Variants in SIPA1L1 observed in about 807,000 individuals in gnomAD.
The protein encoded by SIPA1L1 is signal induced proliferation associated 1 like 1.
A neutral mutation model predicts 162.7 loss-of-function variants in SIPA1L1; 26 were observed. The ratio of observed to expected loss-of-function variants is 0.16; its 90% CI spans 0.12 to 0.22. The LOEUF is 0.22. Ranked by LOEUF, SIPA1L1 falls within the 10% of genes least tolerant of loss-of-function variation. The pLI, the probability that SIPA1L1 is intolerant of heterozygous loss-of-function variation, is 1.00. For synonymous variants in SIPA1L1, 829 were observed against 837.4 expected, an observed-to-expected ratio of 0.99 and a Z score of 0.17; for missense variants, 1,874 against 2,241.0, an observed-to-expected ratio of 0.84 and a Z score of 3.31.
chr14:71,687,741 C>T (rs765405240), intron 13 of SIPA1L1, among the ~76,000 whole-genome samples: 2 of 152,196 alleles, frequency 1.3e-5, no homozygotes, highest in Non-Finnish European at 2.9e-5. Flanking sequence ...TCTGTGTGTA[C>T]TTGTGTCTGC....
In SIPA1L1 at chr14:71,510,177, CTT is replaced by C. The variant is rs985233367; in HGVS notation, c.-464-2543_-464-2542del. Among the ~76,000 whole-genome samples, 6 of 77,492 alleles carry C rather than the reference CTT, an allele frequency of 7.7e-5. No homozygotes were observed. In the South Asian group the frequency reaches 2.2e-3, roughly 28 times the overall value. 50.8% of individuals were successfully genotyped at this position (77,492 alleles called of 152,430 possible). Reference sequence around the variant, plus strand: ...GCTAGTTCCCCTTAATCCCCCCCACCTTTTTTTTTTTTTTTTTTTTTTTTGTG... The same window carrying C: ...GCTAGTTCCCCTTAATCCCCCCCACCTTTTTTTTTTTTTTTTTTTTTTGTG... On this transcript the variant is annotated intron_variant, in intron 2 of 23. Coordinates refer to ENST00000381232, the MANE Select transcript of SIPA1L1 (RefSeq NM_001386936.1).
rs376421220 is a variant in SIPA1L1, at chr14:71,735,027, G to T, written c.5009-250G>T. Among the ~76,000 whole-genome samples, 29 of 152,320 alleles carry T rather than the reference G, an allele frequency of 1.9e-4. 1 individual carries two copies. The highest frequency in any genetic ancestry group is 7.0e-4 in the African/African-American group (29 of 41,564). ...GAAACATTTCATAGAATGCTACAGT[G>T]ATGAGCAGGGAAGAGGGGGGACTAG... On this transcript the variant is annotated intron_variant, in intron 21 of 23. Coordinates refer to ENST00000381232, the MANE Select transcript of SIPA1L1 (RefSeq NM_001386936.1).
At position 71,383,993 on chromosome 14, in the gene SIPA1L1, C is replaced by T. The variant is rs191981188; in HGVS notation, c.-465+62812C>T. On this transcript the variant is annotated intron_variant, in intron 2 of 23. Transcript: ENST00000381232. ...GGGCTTTTTCAGTCACCCAGGAGGACGGGCCCTTCCATGGGCTCAGGTGGC... is the reference window on the plus strand; with the variant it reads ...GGGCTTTTTCAGTCACCCAGGAGGATGGGCCCTTCCATGGGCTCAGGTGGC... Among the ~76,000 whole-genome samples, 12 of 152,248 alleles carry T rather than the reference C, an allele frequency of 7.9e-5. No individual in the cohort carries two copies. The East Asian group carries it at 1.4e-3, about 17-fold the overall frequency.
intron 2 of SIPA1L1, among the ~76,000 whole-genome samples, chr14:71,398,819 C>T (rs2041431986): frequency 2.0e-5 from 3 of 152,178 alleles, no homozygotes; most frequent in Admixed American, 2.0e-4. Flanking sequence ...GCTGCTTTTA[C>T]ATATCTTTCT....
intron 2 of SIPA1L1, among the ~76,000 whole-genome samples, chr14:71,441,617 A>G (rs1258476190): frequency 6.6e-6 from 1 of 152,204 alleles, no homozygotes; most frequent in South Asian, 2.1e-4. Context: ...ATGGCAGAGT[A>G]TAGTGCTTGG....
At chr14:71,738,959 A>G in intron 23 of SIPA1L1, 59 bp from the exon 24 acceptor site, 1 of 1,568,490 alleles carries the variant, frequency 6.4e-7, no homozygotes, top group South Asian at 1.2e-5. Flanking sequence ...ATTACTCAGA[A>G]GAGCTGGGCA....
chr14:71,358,102 T>C (rs2037447320), intron 2 of SIPA1L1, among the ~76,000 whole-genome samples: 1 of 152,104 alleles, frequency 6.6e-6, no homozygotes, highest in East Asian at 1.9e-4. Context: ...CTCAAAATGA[T>C]CTACCTGCCT....
At chr14:71,570,815 C>A (rs1246424479) in intron 4 of SIPA1L1, among the ~76,000 whole-genome samples, 1 of 152,124 alleles carries the variant, frequency 6.6e-6, no homozygotes, top group Non-Finnish European at 1.5e-5. Flanking sequence ...GAGATGGAGT[C>A]TCGCTCTATC....
chr14:71,678,937 GA>G (rs1388811422), intron 12 of SIPA1L1, among the ~76,000 whole-genome samples: 1 of 152,134 alleles, frequency 6.6e-6, no homozygotes, highest in East Asian at 1.9e-4. Flanking sequence ...GGGACTATGT[GA>G]AAAGACCAAA....
chr14:71,500,788 C>G (rs1176843692), intron 2 of SIPA1L1, among the ~76,000 whole-genome samples: 1 of 152,124 alleles, frequency 6.6e-6, no homozygotes, highest in Non-Finnish European at 1.5e-5. Context: ...GGGCGGGTCA[C>G]CTGAGATCGG....
At chr14:71,518,006 G>A (rs945151407) in intron 3 of SIPA1L1, among the ~76,000 whole-genome samples, 5 of 152,134 alleles carry the variant, frequency 3.3e-5, no homozygotes, top group South Asian at 2.1e-4. Flanking sequence ...GTGGCTGGAC[G>A]GACACAGTGG....
intron 14 of SIPA1L1, 129 bp from the exon 15 acceptor site, chr14:71,702,252 C>A: frequency 1.1e-6 from 1 of 915,384 alleles, no homozygotes; most frequent in Non-Finnish European, 1.7e-6. Flanking sequence ...GGTGTGTATA[C>A]AAGTACAGAC....
At chr14:71,370,971 T>A (rs920892867) in intron 2 of SIPA1L1, among the ~76,000 whole-genome samples, 16 of 152,170 alleles carry the variant, frequency 1.1e-4, no homozygotes, top group African/African-American at 3.1e-4. Context: ...TATACATTAA[T>A]ACTATAATAT....
chr14:71,618,324 T>C (rs888570855), intron 5 of SIPA1L1, among the ~76,000 whole-genome samples: 3 of 152,218 alleles, frequency 2.0e-5, no homozygotes, highest in Non-Finnish European at 2.9e-5. Context: ...AGGGACATCT[T>C]TTTTAATCTG....
intron 3 of SIPA1L1, among the ~76,000 whole-genome samples, chr14:71,526,192 T>G (rs1489379030): frequency 6.6e-6 from 1 of 152,190 alleles, no homozygotes. Context: ...TACTGAAATG[T>G]TTTACTTTTT....
intron 2 of SIPA1L1, among the ~76,000 whole-genome samples, chr14:71,361,842 T>C (rs2037844341): frequency 6.6e-6 from 1 of 152,202 alleles, no homozygotes; most frequent in Non-Finnish European, 1.5e-5. Context: ...AAGATTCAGT[T>C]GGGCAGCAGT....
intron 17 of SIPA1L1, among the ~76,000 whole-genome samples, chr14:71,720,804 AATCTCTTTG>A (rs1415455001): frequency 1.3e-5 from 2 of 152,054 alleles, no homozygotes; most frequent in African/African-American, 4.8e-5. Flanking sequence ...TTACTATTTC[AATCTCTTTG>A]ATCTCTTTGT....
At chr14:71,412,458 G>C (rs576494307) in intron 2 of SIPA1L1, among the ~76,000 whole-genome samples, 1 of 152,126 alleles carries the variant, frequency 6.6e-6, no homozygotes, top group African/African-American at 2.4e-5. Context: ...ATATTTGTAC[G>C]ATTTGGTTAT....
At chr14:71,632,217 T>C (rs2040644946) in intron 7 of SIPA1L1, among the ~76,000 whole-genome samples, 3 of 152,164 alleles carry the variant, frequency 2.0e-5, no homozygotes, top group African/African-American at 7.2e-5. Context: ...AGCAGCAGGC[T>C]GGTTAGGGAC....
Sources: allele counts gnomAD v4.1 joint callset (sites outside exome capture counted in the v4.1 genomes callset), GRCh38; gene constraint gnomAD v4.1.1; transcripts MANE v1.5; gene names NCBI Gene and HGNC (gene_info 2026-07-23, HGNC 2026-07-21).